The following NECTIN1 variants were observed in gnomAD, a reference collection of about 807,000 sequenced individuals.
NECTIN1 encodes the protein nectin cell adhesion molecule 1, also known as nectin-1.
A neutral mutation model predicts 48.0 loss-of-function variants in NECTIN1; 23 were observed. That is an observed-to-expected ratio of 0.48 (90% CI 0.34 to 0.68). The LOEUF (loss-of-function observed/expected upper bound fraction) is 0.68. NECTIN1 is among the 30% of genes least tolerant of loss of function. NECTIN1 has a pLI of 0.01. For synonymous variants in NECTIN1, 270 were observed against 288.9 expected (o/e 0.93, Z 0.66); for missense variants, 591 against 709.9 (o/e 0.83, Z 1.90).
chr11:119,704,028 C>G (rs1487557822), intron 1 of NECTIN1, among the ~76,000 whole-genome samples: 3 of 152,130 alleles, frequency 2.0e-5, no homozygotes, highest in Non-Finnish European at 4.4e-5. Flanking sequence ...GACAATGGTT[C>G]CTCCTGGCAA....
chr11:119,680,804 G>A (rs181210368), intron 1 of NECTIN1, among the ~76,000 whole-genome samples: 1 of 152,200 alleles, frequency 6.6e-6, no homozygotes, highest in Non-Finnish European at 1.5e-5. Context: ...TCCTCCAGCT[G>A]TTCCCTCTGC....
At chr11:119,703,143 G>A (rs1310937758) in intron 1 of NECTIN1, among the ~76,000 whole-genome samples, 1 of 152,220 alleles carries the variant, frequency 6.6e-6, no homozygotes, top group Admixed American at 6.5e-5. Flanking sequence ...CAATTAAGAG[G>A]TAACTGACAC....
At chr11:119,639,477 C>T (rs1173376163) in intron 6 of NECTIN1, 4 of 320,302 alleles carry the variant, frequency 1.2e-5, no homozygotes, top group East Asian at 1.6e-4. Flanking sequence ...TTGTGCCTCT[C>T]TCTCCTCTCT....
chr11:119,724,094 G>A (rs1212308023), intron 1 of NECTIN1, among the ~76,000 whole-genome samples: 1 of 152,184 alleles, frequency 6.6e-6, no homozygotes, highest in African/African-American at 2.4e-5. Context: ...GCTCTGCAGG[G>A]CCCTCATGGA....
At chr11:119,648,264 AGTGGTGGTGGTGATGGTG>A (rs1281304157) in intron 5 of NECTIN1, among the ~76,000 whole-genome samples, 2 of 29,718 alleles carry the variant, frequency 6.7e-5, no homozygotes, top group African/African-American at 3.7e-4. Context: ...AGGTGGTAAT[AGTGGTGGTGGTGATGGTG>A]GTGGTGATGG....
Position 119,664,091 on chromosome 11 carries a change from A to G in NECTIN1, c.*656T>C, listed in dbSNP as rs1864717915. 1.0e-6 allele frequency: 1 copy of G among 985,854 alleles called. No homozygotes were observed. Among genetic ancestry groups the G allele is most frequent in the Non-Finnish European group, 1.2e-6 (1 of 830,144 alleles). 61.1% of individuals were successfully genotyped at this position (985,854 alleles called of 1,614,324 possible). A position where few individuals can be genotyped will look rare whatever the true frequency, so the allele number is the denominator to read the frequency against. On this transcript the variant is annotated 3_prime_UTR_variant, in exon 6 of 6. Transcript: ENST00000264025. The stretch of plus-strand genomic sequence containing the variant: ...GGCCAACTCCACTCTCTGTGGGCCA[A>G]TGAGGAAAAAAAATGTAAAACCACC...
chr11:119,677,229 A>G lies in NECTIN1; in HGVS notation c.734-10T>C, dbSNP rs749669622. The stretch of plus-strand genomic sequence containing the variant: ...GTTACCTCAGGCTCATCTGTGGGGC[A>G]AGGGATGTTTGAAGAGGGTGAGGTC... On this transcript the variant is annotated splice_polypyrimidine_tract_variant and intron_variant, in intron 3 of 5. Coordinates refer to ENST00000264025, the MANE Select transcript of NECTIN1 (RefSeq NM_002855.5). The surrounding 1 kb of genome is among the most constrained non-coding windows in gnomAD (Gnocchi z 5.4). 6.2e-7 allele frequency: 1 copy of G among 1,610,316 alleles called. No homozygotes were observed. The highest frequency in any genetic ancestry group is 1.7e-5 in the Admixed American group (1 of 60,006).
intron 5 of NECTIN1, among the ~76,000 whole-genome samples, chr11:119,649,102 C>T (rs760364370): frequency 2.0e-5 from 3 of 152,216 alleles, no homozygotes; most frequent in Non-Finnish European, 2.9e-5. Flanking sequence ...GGCTCCAGGC[C>T]GGGCACGGTG....
intron 5 of NECTIN1, among the ~76,000 whole-genome samples, chr11:119,648,898 T>G (rs368488922): frequency 8.2e-4 from 125 of 152,236 alleles, no homozygotes; most frequent in Middle Eastern, 6.8e-3. Flanking sequence ...GCTCCGACAC[T>G]CCTGGCCTCC....
rs140265587 is a variant in NECTIN1, at chr11:119,663,950, A to ATG, written c.*795_*796dup. 1.9e-5 allele frequency: 19 copies of ATG among 983,140 alleles called. No homozygotes were observed. The highest frequency in any genetic ancestry group is 1.9e-4 in the South Asian group (4 of 21,220). 60.9% of individuals were successfully genotyped at this position (983,140 alleles called of 1,614,324 possible). A position where few individuals can be genotyped will look rare whatever the true frequency, so the allele number is the denominator to read the frequency against. On this transcript the variant is annotated 3_prime_UTR_variant, in exon 6 of 6. Coordinates refer to ENST00000264025, the MANE Select transcript of NECTIN1 (RefSeq NM_002855.5). ...GCAGGCAGAGAGGAGCAGTGTGTGC[A>ATG]TGTGTGTGTGTGTGCACGTGTCAGC...
chr11:119,688,411 G>A (rs968383507), intron 1 of NECTIN1, among the ~76,000 whole-genome samples: 1 of 151,828 alleles, frequency 6.6e-6, no homozygotes, highest in African/African-American at 2.4e-5. Flanking sequence ...CCCAGGGCAC[G>A]AATGAACTCC....
chr11:119,714,699 A>T (rs1393066771), intron 1 of NECTIN1, among the ~76,000 whole-genome samples: 1 of 151,034 alleles, frequency 6.6e-6, no homozygotes, highest in African/African-American at 2.4e-5. Context: ...CCTACTGGAG[A>T]TAAGCGGATC....
downstream of NECTIN1, among the ~76,000 whole-genome samples, chr11:119,659,941 G>A (rs901042780): frequency 6.6e-6 from 1 of 152,206 alleles, no homozygotes; most frequent in African/African-American, 2.4e-5. Flanking sequence ...CATCTCATTC[G>A]AATATCAACA....
chr11:119,646,036 C>T (rs1591437109), intron 5 of NECTIN1, among the ~76,000 whole-genome samples: 1 of 152,232 alleles, frequency 6.6e-6, no homozygotes, highest in Non-Finnish European at 1.5e-5. Flanking sequence ...TGGGAGTCCC[C>T]TGCCTCCTGG....
intron 1 of NECTIN1, among the ~76,000 whole-genome samples, chr11:119,690,830 CTCTG>C (rs1354161714): frequency 6.6e-6 from 1 of 151,796 alleles, no homozygotes; most frequent in African/African-American, 2.4e-5. Context: ...GGGGCAGGGA[CTCTG>C]AGTGGCCCTT....
At chr11:119,682,654 C>G (rs1591462599) in intron 1 of NECTIN1, among the ~76,000 whole-genome samples, 2 of 152,274 alleles carry the variant, frequency 1.3e-5, no homozygotes, top group Admixed American at 1.3e-4. Context: ...AATACCTGCC[C>G]TATAAAACTG....
At position 119,728,510 on chromosome 11, in the gene NECTIN1, C is replaced by T; in HGVS notation, c.44G>A (p.Gly15Glu). 4 of 1,598,854 alleles carry T rather than the reference C, an allele frequency of 2.5e-6. No individual in the cohort carries two copies. The highest frequency in any genetic ancestry group is 2.6e-6 in the Non-Finnish European group (3 of 1,173,342). The change falls in exon 1 of 6, where the codon GGA becomes GAA. Residue 15 changes from glycine to glutamate, a missense_variant. Transcript: ENST00000264025. Reference protein sequence around the residue: ...GLAGAAGRWWGLALGLTAFFL... With the variant: ...GLAGAAGRWWELALGLTAFFL... ...GAATGCGGTCAAGCCGAGAGCGAGTCCCCACCAGCGTCCAGCGGCGCCCGC... is the reference window on the plus strand; with the variant it reads ...GAATGCGGTCAAGCCGAGAGCGAGTTCCCACCAGCGTCCAGCGGCGCCCGC...
chr11:119,689,224 C>T (rs1478298407), intron 1 of NECTIN1, among the ~76,000 whole-genome samples: 4 of 152,212 alleles, frequency 2.6e-5, no homozygotes, highest in Admixed American at 2.0e-4. Context: ...TTGCCGTTTG[C>T]GCTCCTCACC....
At chr11:119,714,768 G>C (rs1429149323) in intron 1 of NECTIN1, among the ~76,000 whole-genome samples, 1 of 152,034 alleles carries the variant, frequency 6.6e-6, no homozygotes, top group Non-Finnish European at 1.5e-5. Context: ...GGGTGGGGGT[G>C]GGAAAGGGAT....
Sources: gnomAD v4.1 joint callset for allele counts (sites outside exome capture counted in the v4.1 genomes callset) on GRCh38, gnomAD v4.1.1 for gene constraint, Gnocchi (gnomAD v3.1) non-coding constraint, MANE v1.5 for transcripts, NCBI Gene and HGNC (gene_info 2026-07-23, HGNC 2026-07-21) for gene names.